PCGF3: variants seen among roughly 807,000 people sequenced by gnomAD.
The protein encoded by PCGF3 is polycomb group RING finger protein 3.
Under a neutral mutation model 33.1 loss-of-function variants are expected in PCGF3, and 7 were observed. That is an observed-to-expected ratio of 0.21 (90% CI 0.12 to 0.40). The LOEUF (loss-of-function observed/expected upper bound fraction) is 0.40, where lower values mean the gene tolerates loss of function less well. Ranked by LOEUF, PCGF3 falls within the 10% of genes least tolerant of loss-of-function variation. The pLI, the probability that PCGF3 is intolerant of heterozygous loss-of-function variation, is 1.00. For synonymous variants in PCGF3, 153 were observed against 121.3 expected (o/e 1.26, Z -1.72); for missense variants, 211 against 313.3 (o/e 0.67, Z 2.46).
intron 8 of PCGF3, among the ~76,000 whole-genome samples, chr4:753,464 C>G (rs1264261000): frequency 2.6e-5 from 4 of 152,002 alleles, no homozygotes; most frequent in African/African-American, 2.4e-5. Flanking sequence ...ACCATCCTGG[C>G]TAGCACAGTG....
rs1742627258 is a variant in PCGF3 at position 712,687 on chromosome 4, C to T, written c.-190+6717C>T. 2.0e-5 allele frequency among the ~76,000 whole-genome samples: 3 copies of T among 152,156 alleles called. No homozygotes were observed. In the South Asian group the frequency reaches 6.2e-4, roughly 31 times the overall value. On this transcript the variant is annotated intron_variant, in intron 1 of 10. Coordinates refer to ENST00000362003, the Ensembl canonical transcript of PCGF3. ...GGTCTCAAACTCCTGACCTCATGAC[C>T]CGCCCGCCTTGGCCTCCCAAAGTGC...
intron 1 of PCGF3, among the ~76,000 whole-genome samples, chr4:726,635 C>T (rs1462805342): frequency 1.3e-5 from 2 of 152,156 alleles, no homozygotes; most frequent in African/African-American, 4.8e-5. Context: ...TAGCAACCTC[C>T]AAAGGTTCAC....
At chr4:766,150 C>A in exon 11 of PCGF3, 1 of 1,288,408 alleles carries the variant, frequency 7.8e-7, no homozygotes, top group Non-Finnish European at 1.1e-6. Flanking sequence ...CGCTTAAGAA[C>A]ATTGCCTCTG....
At chr4:752,057 C>T (rs576963190) in intron 8 of PCGF3, among the ~76,000 whole-genome samples, 10 of 152,412 alleles carry the variant, frequency 6.6e-5, no homozygotes, top group South Asian at 2.1e-4. Flanking sequence ...ACCAAAAATA[C>T]TTGACGGGGC....
intron 9 of PCGF3, among the ~76,000 whole-genome samples, chr4:764,020 C>A (rs559145464): frequency 1.3e-5 from 2 of 152,156 alleles, no homozygotes; most frequent in East Asian, 3.9e-4. Flanking sequence ...CAGAACCATC[C>A]GGAGGCTGCA....
chr4:718,689 AC>A (rs926927704), intron 1 of PCGF3, among the ~76,000 whole-genome samples: 1 of 152,084 alleles, frequency 6.6e-6, no homozygotes, highest in Non-Finnish European at 1.5e-5. Context: ...TGCAGGCAAC[AC>A]CCTGAGTGGG....
chr4:712,435 GTT>G lies in PCGF3; in HGVS notation c.-190+6469_-190+6470del, dbSNP rs1742611425. On this transcript the variant is annotated intron_variant, in intron 1 of 10. Transcript: ENST00000362003. ...CTCTAATATTCGTGTTTGTTTGTTT[GTT>G]TTTGTTTTTTGTTTGTTTGTTTGTT... Among the ~76,000 whole-genome samples the G allele has an allele frequency of 2.0e-5, 3 of 152,100 alleles. No homozygotes were observed. In the Middle Eastern group the frequency reaches 0.01, roughly 517 times the overall value.
In PCGF3 at chr4:711,704, G is replaced by A. The variant is rs544351649; in HGVS notation, c.-190+5734G>A. Among the ~76,000 whole-genome samples the A allele has an allele frequency of 2.9e-3, 438 of 151,736 alleles. 4 individuals are homozygous for A. Among genetic ancestry groups the A allele is most frequent in the African/African-American group, 0.01 (418 of 41,410 alleles). ...GATCTCCTGACCTCATGATCCACCC[G>A]CCTCGGCCTCCCAAAGTGCTGGGAT... On this transcript the variant is annotated intron_variant, in intron 1 of 10. Coordinates refer to ENST00000362003, the Ensembl canonical transcript of PCGF3.
chr4:715,082 G>A (rs149647416), intron 1 of PCGF3, among the ~76,000 whole-genome samples: 4,778 of 92,016 alleles, frequency 0.052, no homozygotes, highest in Middle Eastern at 0.089. Flanking sequence ...ACTGGGCGTC[G>A]GTGCTGGGAC....
chr4:741,199 G>A (rs574901531), intron 6 of PCGF3, among the ~76,000 whole-genome samples: 15 of 152,342 alleles, frequency 9.8e-5, no homozygotes, highest in Non-Finnish European at 2.1e-4. Context: ...CAGGAAAGCA[G>A]TGTTTACAAA....
intron 10 of PCGF3, 88 bp from the exon 11 acceptor site, chr4:765,944 G>C: frequency 8.4e-7 from 1 of 1,194,790 alleles, no homozygotes; most frequent in South Asian, 1.2e-5. Flanking sequence ...CTCACGGGAC[G>C]TGATTCCTCA....
intron 3 of PCGF3, 122 bp from the exon 4 acceptor site, chr4:733,550 G>A (rs1743706076): frequency 2.1e-6 from 2 of 963,042 alleles, no homozygotes; most frequent in Non-Finnish European, 3.0e-6. Context: ...AGCCCAAGAG[G>A]CTCCTGCCAC....
intron 10 of PCGF3, 35 bp downstream of exon 10, chr4:765,099 T>C (rs1439271152): frequency 1.4e-6 from 2 of 1,421,352 alleles, no homozygotes; most frequent in Non-Finnish European, 2.0e-6. Context: ...GAGTCTGCTC[T>C]GAATGGCAGT....
rs529646198 is a variant in PCGF3, at chr4:755,045, G to T, written c.463-6234G>T. On this transcript the variant is annotated intron_variant, in intron 8 of 10. Coordinates refer to ENST00000362003, the Ensembl canonical transcript of PCGF3. ...ATAGACAGCGACAGGTCTTTCTGCAGTGCCCTCTTTACAATCAGAGTTGCA... is the reference window on the plus strand; with the variant it reads ...ATAGACAGCGACAGGTCTTTCTGCATTGCCCTCTTTACAATCAGAGTTGCA... Among the ~76,000 whole-genome samples, 8 of 152,346 alleles carry T rather than the reference G, an allele frequency of 5.3e-5. No individual in the cohort carries two copies. In the South Asian group the frequency reaches 1.7e-3, roughly 32 times the overall value.
chr4:768,792 A>G (rs1374795712), exon 11 of PCGF3: 1 of 152,672 alleles, frequency 6.5e-6, no homozygotes, highest in Non-Finnish European at 1.5e-5. Flanking sequence ...ACAGGCATAT[A>G]AAATGAAATT....
chr4:713,811 G>A (rs73221106), intron 1 of PCGF3, among the ~76,000 whole-genome samples: 4,714 of 152,330 alleles, frequency 0.031, 134 homozygotes, highest in South Asian at 0.087. Flanking sequence ...TTATTTCGCA[G>A]TGTGAGCCTG....
chr4:719,938 T>C (rs1199031323), intron 1 of PCGF3, among the ~76,000 whole-genome samples: 1 of 152,092 alleles, frequency 6.6e-6, no homozygotes, highest in Non-Finnish European at 1.5e-5. Context: ...CGAGAGTCCA[T>C]TGGGATCGTA....
At chr4:743,655 C>G in intron 7 of PCGF3, 71 bp downstream of exon 7, 1 of 866,424 alleles carries the variant, frequency 1.2e-6, no homozygotes, top group Admixed American at 2.1e-5. Context: ...AAAGAGCTGG[C>G]GCTGTCTGCC....
chr4:766,371 C>T (rs763503473), exon 11 of PCGF3: 3 of 306,694 alleles, frequency 9.8e-6, no homozygotes, highest in Non-Finnish European at 1.8e-5. Context: ...TTCTGAGTCA[C>T]CTTCTGACAC....
Sources: allele counts gnomAD v4.1 joint callset (sites outside exome capture counted in the v4.1 genomes callset), GRCh38; gene constraint gnomAD v4.1.1; transcripts MANE v1.5; gene names NCBI Gene and HGNC (gene_info 2026-07-23, HGNC 2026-07-21).